The following ERC2 variants were observed in gnomAD, a reference collection of about 807,000 sequenced individuals.
ERC2 encodes the protein ELKS/RAB6-interacting/CAST family member 2.
ERC2 carries 42 observed loss-of-function variants against 114.8 expected under a neutral mutation model. The observed-to-expected ratio is 0.37, with a 90% CI of 0.29 to 0.47. The LOEUF (loss-of-function observed/expected upper bound fraction) is 0.47, where lower values mean the gene tolerates loss of function less well. Ranked by LOEUF, ERC2 falls within the 20% of genes least tolerant of loss-of-function variation. ERC2 has a pLI of 0.99. For missense variants in ERC2, 939 were observed against 1,150.7 expected, an observed-to-expected ratio of 0.82 and a Z score of 2.66; for synonymous variants, 454 against 425.5, an observed-to-expected ratio of 1.07 and a Z score of -0.82.
chr3:56,237,725 C>T (rs1366403984), intron 3 of ERC2, among the ~76,000 whole-genome samples: 2 of 152,098 alleles, frequency 1.3e-5, no homozygotes, highest in East Asian at 1.9e-4. Flanking sequence ...AAGAAACAGA[C>T]ATTTTCACAC....
At chr3:56,341,221 T>A (rs2058078473) in intron 2 of ERC2, among the ~76,000 whole-genome samples, 1 of 152,198 alleles carries the variant, frequency 6.6e-6, no homozygotes, top group South Asian at 2.1e-4. Flanking sequence ...CCCCTCCACC[T>A]TCCTCCATCT....
intron 2 of ERC2, among the ~76,000 whole-genome samples, chr3:56,378,894 A>C (rs1483827278): frequency 2.0e-5 from 3 of 152,204 alleles, no homozygotes; most frequent in Non-Finnish European, 4.4e-5. Context: ...AGCCCTGCAC[A>C]GTCCAATGGA....
intron 2 of ERC2, among the ~76,000 whole-genome samples, chr3:56,309,035 G>A (rs1404134767): frequency 6.6e-6 from 1 of 152,110 alleles, no homozygotes. Context: ...ATCTTCCTTA[G>A]GCTGTGTCAT....
intron 13 of ERC2, among the ~76,000 whole-genome samples, chr3:55,893,075 T>C (rs1000752258): frequency 1.3e-5 from 2 of 152,060 alleles, no homozygotes; most frequent in African/African-American, 4.8e-5. Context: ...CGGCAAGACG[T>C]CAGCAGTTTG....
intron 15 of ERC2, among the ~76,000 whole-genome samples, chr3:55,717,391 T>A (rs2064186281): frequency 6.6e-6 from 1 of 152,164 alleles, no homozygotes; most frequent in Non-Finnish European, 1.5e-5. Context: ...GTTCACTATC[T>A]CTTCTTAGCA....
In ERC2 at chr3:56,434,479, A is replaced by G; in HGVS notation, c.529T>C (p.Ser177Pro). The change falls in exon 2 of 18, where the codon TCT becomes CCT. Residue 177 changes from serine (S) to proline (P), a missense_variant. Ser to Pro is a moderately conservative substitution (Grantham distance 74). This residue lies in a region of ERC2 where 281 missense variants were observed against 307.4 expected (regional missense o/e 0.91). Transcript: ENST00000288221. ...ELDIKDSKLG[S>P]SMNSIKTFWS... is the part of the protein sequence containing the mutation. ...AAAGTCTTAATACTGTTCATGGAAG[A>G]TCCCAATTTGCTGTCCTTGATGTCT... The G allele has an allele frequency of 6.2e-7, 1 of 1,613,974 alleles. No homozygotes were observed. Among genetic ancestry groups the G allele is most frequent in the Non-Finnish European group, 8.5e-7 (1 of 1,179,890 alleles).
At chr3:56,426,549 A>T (rs923009891) in intron 2 of ERC2, among the ~76,000 whole-genome samples, 1 of 152,216 alleles carries the variant, frequency 6.6e-6, no homozygotes, top group African/African-American at 2.4e-5. Context: ...GCTTGGTTAC[A>T]TCACATGCTT....
intron 2 of ERC2, among the ~76,000 whole-genome samples, chr3:56,418,951 G>A (rs1028663756): frequency 4.6e-5 from 7 of 152,174 alleles, no homozygotes. Context: ...AATAAACTAG[G>A]CAAGAAGCTT....
At chr3:55,524,597 G>T (rs899546942) in intron 17 of ERC2, among the ~76,000 whole-genome samples, 1 of 147,050 alleles carries the variant, frequency 6.8e-6, no homozygotes, top group Admixed American at 6.9e-5. Flanking sequence ...GACTTGGGAA[G>T]AAATCCTAAA....
chr3:56,247,584 GC>G (rs1370752826), intron 3 of ERC2, among the ~76,000 whole-genome samples: 4 of 152,170 alleles, frequency 2.6e-5, no homozygotes, highest in Non-Finnish European at 5.9e-5. Flanking sequence ...TAATAATTAT[GC>G]TTTCATTAGA....
intron 17 of ERC2, among the ~76,000 whole-genome samples, chr3:55,570,666 T>C (rs2056654384): frequency 6.6e-6 from 1 of 152,068 alleles, no homozygotes; most frequent in Non-Finnish European, 1.5e-5. Flanking sequence ...TAGACTGGGA[T>C]GTGATTAGGG....
intron 3 of ERC2, among the ~76,000 whole-genome samples, chr3:56,284,571 T>C (rs2054554466): frequency 6.6e-6 from 1 of 152,116 alleles, no homozygotes; most frequent in South Asian, 2.1e-4. Flanking sequence ...GAAGAGGCAG[T>C]TCATGTAGAG....
chr3:55,582,614 C>T (rs1241281943), intron 17 of ERC2, among the ~76,000 whole-genome samples: 1 of 152,166 alleles, frequency 6.6e-6, no homozygotes, highest in Non-Finnish European at 1.5e-5. Context: ...CTCAGACTAC[C>T]GACTGCCTTT....
intron 12 of ERC2, among the ~76,000 whole-genome samples, chr3:55,963,630 GA>G (rs1431933542): frequency 6.6e-6 from 1 of 152,078 alleles, no homozygotes; most frequent in Non-Finnish European, 1.5e-5. Context: ...TGAACACTTT[GA>G]AAACAAAACA....
intron 14 of ERC2, among the ~76,000 whole-genome samples, chr3:55,755,876 A>G (rs563531058): frequency 6.6e-6 from 1 of 152,160 alleles, no homozygotes; most frequent in Non-Finnish European, 1.5e-5. Context: ...TCTGTTTCCA[A>G]TTTCAATCTT....
intron 1 of ERC2, among the ~76,000 whole-genome samples, chr3:56,439,441 C>T (rs1438769501): frequency 6.6e-6 from 1 of 152,078 alleles, no homozygotes; most frequent in Non-Finnish European, 1.5e-5. Context: ...GGGAGAGACC[C>T]AGTCTCTTTA....
At chr3:56,293,199 A>C (rs1229876427) in intron 3 of ERC2, among the ~76,000 whole-genome samples, 1 of 152,262 alleles carries the variant, frequency 6.6e-6, no homozygotes, top group Non-Finnish European at 1.5e-5. Context: ...ACATAAGCTG[A>C]CACATACAGA....
rs1416415678 is a variant in ERC2 at position 56,226,559 on chromosome 3, G to GTC, written c.1075-53041_1075-53040dup. The stretch of plus-strand genomic sequence containing the variant: ...ACAGAGTGAGACCTCATCTCTCTCT[G>GTC]TCTCTCTCTCTATATATATACATAA... On this transcript the variant is annotated intron_variant, in intron 3 of 17. Coordinates refer to ENST00000288221, the MANE Select transcript of ERC2 (RefSeq NM_015576.3). 3.9e-5 allele frequency among the ~76,000 whole-genome samples: 6 copies of GTC among 152,050 alleles called. No individual in the cohort carries two copies. In the South Asian group the frequency reaches 1.0e-3, roughly 26 times the overall value.
chr3:55,902,997 A>C (rs2064225299), intron 13 of ERC2, among the ~76,000 whole-genome samples: 1 of 152,224 alleles, frequency 6.6e-6, no homozygotes. Flanking sequence ...ATCTTGATTC[A>C]TGGAAACATT....
Sources: gnomAD v4.1 joint callset for allele counts (sites outside exome capture counted in the v4.1 genomes callset) on GRCh38, gnomAD v4.1.1 for gene constraint, gnomAD v4.1.1 regional missense constraint, MANE v1.5 for transcripts, NCBI Gene and HGNC (gene_info 2026-07-23, HGNC 2026-07-21) for gene names.